Variants in PPFIA1 observed in about 807,000 individuals in gnomAD.
The protein encoded by PPFIA1 is PPFI scaffold protein A1, also known as liprin-alpha-1.
A neutral mutation model predicts 149.9 loss-of-function variants in PPFIA1; 25 were observed. The observed-to-expected ratio is 0.17, with a 90% CI of 0.12 to 0.23. PPFIA1 has a LOEUF of 0.23. PPFIA1 is among the 10% of genes least tolerant of loss of function. The pLI is 1.00. For synonymous variants in PPFIA1, 549 were observed against 552.8 expected, an observed-to-expected ratio of 0.99 and a Z score of 0.10; for missense variants, 1,362 against 1,506.5, an observed-to-expected ratio of 0.90 and a Z score of 1.59.
intron 17 of PPFIA1, 121 bp from the exon 18 acceptor site, chr11:70,355,518 C>T (rs556165428): frequency 3.1e-6 from 3 of 952,796 alleles, no homozygotes; most frequent in Non-Finnish European, 4.6e-6. Context: ...ATGCATGATG[C>T]ACTTGGTGAG....
At chr11:70,277,056 A>T (rs1436506006) in intron 2 of PPFIA1, among the ~76,000 whole-genome samples, 24 of 31,566 alleles carry the variant, frequency 7.6e-4, no homozygotes, top group East Asian at 1.7e-3. Context: ...ATATATATAT[A>T]TATATTTTTT....
intron 2 of PPFIA1, among the ~76,000 whole-genome samples, chr11:70,292,062 C>G (rs993395272): frequency 6.6e-6 from 1 of 152,110 alleles, no homozygotes; most frequent in Non-Finnish European, 1.5e-5. Context: ...TGGTCTGGAT[C>G]TCCTGACCTT....
At chr11:70,279,917 G>C (rs933302790) in intron 2 of PPFIA1, among the ~76,000 whole-genome samples, 1 of 151,506 alleles carries the variant, frequency 6.6e-6, no homozygotes, top group East Asian at 1.9e-4. Flanking sequence ...GTGTGTGTGT[G>C]TATATTTTTG....
chr11:70,295,049 C>T (rs1045572008), intron 2 of PPFIA1, among the ~76,000 whole-genome samples: 34 of 152,360 alleles, frequency 2.2e-4, no homozygotes, highest in African/African-American at 7.2e-4. Context: ...CATCCTGGCC[C>T]GTTCTCAATG....
At chr11:70,366,961 A>T (rs1343716325) in intron 21 of PPFIA1, among the ~76,000 whole-genome samples, 1 of 152,010 alleles carries the variant, frequency 6.6e-6, no homozygotes, top group Non-Finnish European at 1.5e-5. Flanking sequence ...AAATAACCTC[A>T]TTGTTTAACT....
At position 70,337,445 on chromosome 11, in the gene PPFIA1, A is replaced by G. The variant is rs1048493451; in HGVS notation, c.1491+18A>G. The G allele has an allele frequency of 2.6e-6, 4 of 1,560,108 alleles. No individual in the cohort carries two copies. In the African/African-American group the frequency reaches 5.5e-5, roughly 21 times the overall value. Reference sequence around the variant, plus strand: ...ACGATAAGGTACTGAAATCTTCTCTAAATCCATGAAGAGCCAAGTTGAACT... The same window carrying G: ...ACGATAAGGTACTGAAATCTTCTCTGAATCCATGAAGAGCCAAGTTGAACT... On this transcript the variant is annotated intron_variant, in intron 12 of 27. Transcript: ENST00000253925.
intron 2 of PPFIA1, among the ~76,000 whole-genome samples, chr11:70,287,338 G>A (rs1335398595): frequency 6.6e-6 from 1 of 152,032 alleles, no homozygotes; most frequent in Non-Finnish European, 1.5e-5. Flanking sequence ...TAAATAAGCC[G>A]TTGTCTGAGA....
chr11:70,314,672 C>T (rs993977800), intron 2 of PPFIA1, among the ~76,000 whole-genome samples: 3 of 151,890 alleles, frequency 2.0e-5, no homozygotes, highest in African/African-American at 4.8e-5. Context: ...TATGGAAATG[C>T]GGTTCTGTAC....
chr11:70,365,789 GGTTTTGCATGA>G (rs2056895855), intron 21 of PPFIA1: 1 of 371,556 alleles, frequency 2.7e-6, no homozygotes, highest in Non-Finnish European at 5.3e-6. Flanking sequence ...TGAAATTGTT[GGTTTTGCATGA>G]GTTTTGCATG....
At chr11:70,302,432 T>C (rs901165416) in intron 2 of PPFIA1, among the ~76,000 whole-genome samples, 1 of 152,036 alleles carries the variant, frequency 6.6e-6, no homozygotes, top group African/African-American at 2.4e-5. Flanking sequence ...CGTGGGAGGA[T>C]GGAGATGGGC....
intron 19 of PPFIA1, chr11:70,358,625 T>G (rs2056474790): frequency 6.6e-6 from 1 of 152,254 alleles, no homozygotes; most frequent in African/African-American, 2.4e-5. Flanking sequence ...CGAACGTATA[T>G]TTCTCAGAAT....
In PPFIA1 at chr11:70,314,736, A is replaced by G. The variant is rs548735430; in HGVS notation, c.265-9666A>G. Among the ~76,000 whole-genome samples the G allele has an allele frequency of 4.6e-5, 7 of 152,344 alleles. No individual in the cohort carries two copies. The South Asian group carries it at 1.2e-3, about 27-fold the overall frequency. ...GTCCCTAAATACTAGGTTTGGGCAT[A>G]CATTTTTTCAGCATGTATTTCTTAA... On this transcript the variant is annotated intron_variant, in intron 2 of 27. Coordinates refer to ENST00000253925, the MANE Select transcript of PPFIA1 (RefSeq NM_003626.5).
At chr11:70,346,858 A>G (rs1333587697) in intron 15 of PPFIA1, among the ~76,000 whole-genome samples, 1 of 152,188 alleles carries the variant, frequency 6.6e-6, no homozygotes, top group Non-Finnish European at 1.5e-5. Context: ...GGTTATTGCA[A>G]GGTTTCTATA....
chr11:70,314,657 G>A (rs2053489609), intron 2 of PPFIA1, among the ~76,000 whole-genome samples: 1 of 151,922 alleles, frequency 6.6e-6, no homozygotes, highest in Non-Finnish European at 1.5e-5. Context: ...AACCAAATAG[G>A]ATCATATGGA....
intron 21 of PPFIA1, chr11:70,367,765 AT>A: frequency 2.8e-6 from 1 of 362,288 alleles, no homozygotes; most frequent in African/African-American, 2.1e-5. Flanking sequence ...TATTTAGACA[AT>A]TCCTTTGTTT....
rs1336221814 is a variant in PPFIA1 at position 70,355,686 on chromosome 11, A to G, written c.2363A>G (p.Asn788Ser). The G allele has an allele frequency of 6.8e-6, 11 of 1,613,948 alleles. No homozygotes were observed. Among genetic ancestry groups the G allele is most frequent in the Non-Finnish European group, 9.3e-6 (11 of 1,179,934 alleles). Residue 788 changes from asparagine (N) to serine (S), a missense_variant, in exon 18 of 28, where the codon AAC becomes AGC. Around this residue, in one of 7 missense-constraint regions of PPFIA1, gnomAD observed 733 missense variants for 744.1 expected, o/e 0.99. Coordinates refer to ENST00000253925, the MANE Select transcript of PPFIA1 (RefSeq NM_003626.5). ...DGPVSNPSSS[N>S]SSQDSLHKAP... ...CCCGTGAGCAACCCCAGCAGTAGCA[A>G]CAGTAGCCAGGACTCGCTCCACAAA...
Position 70,326,645 on chromosome 11 carries a change from A to G in PPFIA1, c.757A>G (p.Ile253Val), listed in dbSNP as rs1273444698. The G allele has an allele frequency of 1.9e-6, 3 of 1,614,066 alleles. No individual in the cohort carries two copies. The highest frequency in any genetic ancestry group is 4.5e-5 in the East Asian group (2 of 44,896). ...CCACGAGGAAGACCTTGCTAAAGTAATTGAGCTCCAAGAAATCATAAGTAA... is the reference window on the plus strand; with the variant it reads ...CCACGAGGAAGACCTTGCTAAAGTAGTTGAGCTCCAAGAAATCATAAGTAA... ...LSHEEDLAKV[I>V]ELQEIISKQS... The change falls in exon 7 of 28, where the codon ATT becomes GTT. Residue 253 changes from isoleucine to valine, a missense_variant. Ile to Val is a conservative substitution (Grantham distance 29). This residue lies in a region of PPFIA1 where 733 missense variants were observed against 744.1 expected (regional missense o/e 0.99). Coordinates refer to ENST00000253925, the MANE Select transcript of PPFIA1 (RefSeq NM_003626.5).
intron 2 of PPFIA1, among the ~76,000 whole-genome samples, chr11:70,296,275 G>A (rs1027249461): frequency 1.2e-4 from 19 of 152,060 alleles, no homozygotes; most frequent in African/African-American, 1.9e-4. Context: ...CTTCCTAGAC[G>A]GGGTGGCGGC....
rs180743609 is a variant in PPFIA1 at position 70,334,823 on chromosome 11, G to C, written c.1297-740G>C. Among the ~76,000 whole-genome samples the C allele has an allele frequency of 3.9e-5, 6 of 152,338 alleles. No individual in the cohort carries two copies. In the East Asian group the frequency reaches 1.2e-3, roughly 29 times the overall value. On this transcript the variant is annotated intron_variant, in intron 10 of 27. Coordinates refer to ENST00000253925, the MANE Select transcript of PPFIA1 (RefSeq NM_003626.5). ...ACCCCGTGCCATTGCCTCCTGCCTG[G>C]GAGGAGCCCCCTGAGCACTGCAAGG...
Sources: gnomAD v4.1 joint callset for allele counts (sites outside exome capture counted in the v4.1 genomes callset) on GRCh38, gnomAD v4.1.1 for gene constraint, gnomAD v4.1.1 regional missense constraint, MANE v1.5 for transcripts, NCBI Gene and HGNC (gene_info 2026-07-23, HGNC 2026-07-21) for gene names.